The following NDUFB6 variants were observed in gnomAD, a reference collection of about 807,000 sequenced individuals.
NDUFB6 encodes the protein NADH:ubiquinone oxidoreductase subunit B6, also known as NADH dehydrogenase [ubiquinone] 1 beta subcomplex subunit 6.
Under a neutral mutation model 17.5 loss-of-function variants are expected in NDUFB6, and 23 were observed. The ratio of observed to expected loss-of-function variants is 1.31; its 90% confidence interval spans 0.94 to 1.86. NDUFB6 has a LOEUF of 1.86. NDUFB6 is among the 40% of genes most tolerant of loss of function. NDUFB6 has a pLI of 0.00. For synonymous variants in NDUFB6, 60 were observed against 53.5 expected, an observed-to-expected ratio of 1.12 and a Z score of -0.53; for missense variants, 167 against 153.8, an observed-to-expected ratio of 1.09 and a Z score of -0.46.
rs1366418456 is a variant in NDUFB6 at position 32,553,776 on chromosome 9, G to A, written c.*100C>T. 13 of 792,448 alleles carry A rather than the reference G, an allele frequency of 1.6e-5. No homozygotes were observed. Among genetic ancestry groups the A allele is most frequent in the Non-Finnish European group, 2.8e-5 (13 of 469,822 alleles). 49.1% of individuals were successfully genotyped at this position (792,448 alleles called of 1,614,324 possible). Reference sequence around the variant, plus strand: ...TGAAAACAGATATGACAATTTCTGAGATTAAACTTTATTAAAGTTACTTTT... The same window carrying A: ...TGAAAACAGATATGACAATTTCTGAAATTAAACTTTATTAAAGTTACTTTT... On this transcript the variant is annotated 3_prime_UTR_variant, in exon 4 of 4. Coordinates refer to ENST00000379847, the MANE Select transcript of NDUFB6 (RefSeq NM_002493.5).
chr9:32,565,579 C>T (rs1821759138), intron 2 of NDUFB6: 1 of 152,294 alleles, frequency 6.6e-6, no homozygotes, highest in Non-Finnish European at 1.5e-5. Context: ...CAGAAGAATT[C>T]CTCAGCTCAG....
intron 2 of NDUFB6, chr9:32,567,743 A>T (rs1821840567): frequency 3.1e-6 from 1 of 320,888 alleles, no homozygotes; most frequent in Non-Finnish European, 6.4e-6. Context: ...TAAGATAGTG[A>T]ATTTAATAAG....
At chr9:32,566,402 A>T (rs593700) in intron 2 of NDUFB6, 550,922 of 954,418 alleles carry the variant, frequency 0.58, 163,415 homozygotes, top group Middle Eastern at 0.68. Flanking sequence ...TTCCAGGTCC[A>T]GAAGAGGAGC....
At chr9:32,562,903 A>G (rs1011577388) in intron 2 of NDUFB6, among the ~76,000 whole-genome samples, 2 of 152,252 alleles carry the variant, frequency 1.3e-5, no homozygotes, top group Non-Finnish European at 2.9e-5. Context: ...TAATGCAATT[A>G]TGCCTATTAA....
Position 32,553,195 on chromosome 9 carries a change from A to T in NDUFB6, c.*681T>A. On this transcript the variant is annotated 3_prime_UTR_variant, in exon 4 of 4. Transcript: ENST00000379847. ...TCTAAATTCTTCAAAAATGATTCGG[A>T]AAGCTTTTTTTTTTTTTGAGACGGA... 6.6e-6 allele frequency: 2 copies of T among 303,326 alleles called. No individual in the cohort carries two copies. Among genetic ancestry groups the T allele is most frequent in the Non-Finnish European group, 6.1e-6 (1 of 164,416 alleles). The allele number at this position is 303,326 out of a possible 1,614,324, so 18.8% of individuals were successfully genotyped here.
At chr9:32,563,750 T>G (rs1821697831) in intron 2 of NDUFB6, among the ~76,000 whole-genome samples, 1 of 152,220 alleles carries the variant, frequency 6.6e-6, no homozygotes, top group Non-Finnish European at 1.5e-5. Flanking sequence ...TTCTACCCAT[T>G]TATTAATTCA....
intron 3 of NDUFB6, among the ~76,000 whole-genome samples, chr9:32,557,636 C>T (rs898223268): frequency 7.3e-5 from 11 of 151,494 alleles, no homozygotes; most frequent in Non-Finnish European, 2.9e-5. Flanking sequence ...CCCGCCACCA[C>T]GCACGGTAAT....
At chr9:32,567,392 G>A (rs536103476) in intron 2 of NDUFB6, 3 of 464,164 alleles carry the variant, frequency 6.5e-6, no homozygotes, top group South Asian at 3.1e-5. Context: ...GCAGTGGTGC[G>A]ATCTTGGCTC....
chr9:32,556,891 G>A (rs970985273), intron 3 of NDUFB6, among the ~76,000 whole-genome samples: 6 of 124,776 alleles, frequency 4.8e-5, no homozygotes, highest in African/African-American at 1.6e-4. Flanking sequence ...GTGCTCTGTC[G>A]CTAAGGCTGG....
intron 3 of NDUFB6, among the ~76,000 whole-genome samples, chr9:32,558,604 C>G (rs1821538630): frequency 1.3e-5 from 2 of 152,180 alleles, no homozygotes; most frequent in African/African-American, 4.8e-5. Flanking sequence ...CAACATGAAA[C>G]AGGACACAGT....
At chr9:32,570,648 G>A (rs1440886388) in intron 2 of NDUFB6, among the ~76,000 whole-genome samples, 1 of 151,842 alleles carries the variant, frequency 6.6e-6, no homozygotes, top group Non-Finnish European at 1.5e-5. Context: ...TTTTAAAAAG[G>A]AGCAGAATTG....
intron 2 of NDUFB6, chr9:32,566,650 C>T: frequency 1.2e-6 from 1 of 800,736 alleles, no homozygotes; most frequent in Non-Finnish European, 2.3e-6. Context: ...CAGGAGCTCA[C>T]CTCTCTCAGG....
chr9:32,565,277 G>A (rs1050260780), intron 2 of NDUFB6: 2 of 150,868 alleles, frequency 1.3e-5, no homozygotes, highest in African/African-American at 2.4e-5. Context: ...AGGAGACACA[G>A]TGAGACCCTG....
intron 2 of NDUFB6, chr9:32,568,170 A>T (rs611653): frequency 0.55 from 92,113 of 167,720 alleles, 25,661 homozygotes; most frequent in Middle Eastern, 0.68. Context: ...TAACAGGAGG[A>T]GGTCAAAGTA....
chr9:32,556,856 T>C (rs982884819), intron 3 of NDUFB6, among the ~76,000 whole-genome samples: 1 of 141,310 alleles, frequency 7.1e-6, no homozygotes, highest in African/African-American at 2.6e-5. Context: ...CTTTTTTTTT[T>C]TTTTTTTTTT....
chr9:32,561,882 G>A (rs1225041443), intron 2 of NDUFB6, among the ~76,000 whole-genome samples: 1 of 152,162 alleles, frequency 6.6e-6, no homozygotes. Flanking sequence ...GCCTCCAGCT[G>A]ATCTGCCCTG....
At chr9:32,566,821 G>A (rs899372416) in intron 2 of NDUFB6, 1 of 881,478 alleles carries the variant, frequency 1.1e-6, no homozygotes, top group Non-Finnish European at 1.9e-6. Context: ...CTCTGCCTCT[G>A]TGGGGGCCTG....
chr9:32,568,989 TCCACCTGCCTTGG>T (rs1163065105), intron 2 of NDUFB6, among the ~76,000 whole-genome samples: 1 of 151,776 alleles, frequency 6.6e-6, no homozygotes, highest in Non-Finnish European at 1.5e-5. Flanking sequence ...GACCTCGTGA[TCCACCTGCCTTGG>T]CCTCCCAAAG....
intron 2 of NDUFB6, among the ~76,000 whole-genome samples, chr9:32,560,735 G>C (rs1287338596): frequency 6.6e-6 from 1 of 152,154 alleles, no homozygotes; most frequent in Non-Finnish European, 1.5e-5. Context: ...AGCTATGTTT[G>C]TAAATGGAAT....
Sources: allele counts gnomAD v4.1 joint callset (sites outside exome capture counted in the v4.1 genomes callset), GRCh38; gene constraint gnomAD v4.1.1; transcripts MANE v1.5; gene names NCBI Gene and HGNC (gene_info 2026-07-23, HGNC 2026-07-21).